The following ELAVL2 variants were observed in gnomAD, a reference collection of about 807,000 sequenced individuals.
The protein encoded by ELAVL2 is ELAV-like protein 2.
In ELAVL2, 4 loss-of-function variants were observed where a neutral mutation model predicts 34.6. That is an observed-to-expected ratio of 0.12 (90% CI 0.06 to 0.26). ELAVL2 has a LOEUF of 0.26. Among genes scored for constraint, ELAVL2 ranks in the 10% least tolerant of loss-of-function variants. ELAVL2 has a pLI of 1.00. For synonymous variants in ELAVL2, 193 were observed against 154.8 expected (o/e 1.25, Z -1.83); for missense variants, 432 against 442.8 (o/e 0.98, Z 0.22).
chr9:23,744,304 T>A (rs2049985841), intron 2 of ELAVL2, among the ~76,000 whole-genome samples: 2 of 152,226 alleles, frequency 1.3e-5, no homozygotes, highest in Admixed American at 1.3e-4. Context: ...TGTTAGGTAT[T>A]CAATTACAAG....
intron 1 of ELAVL2, among the ~76,000 whole-genome samples, chr9:23,785,057 G>A (rs917195284): frequency 3.9e-5 from 6 of 152,194 alleles, no homozygotes; most frequent in African/African-American, 1.2e-4. Flanking sequence ...AATAGATAAT[G>A]TGTCAGATGG....
intron 1 of ELAVL2, among the ~76,000 whole-genome samples, chr9:23,805,890 A>G (rs1439457661): frequency 6.6e-6 from 1 of 152,196 alleles, no homozygotes; most frequent in East Asian, 1.9e-4. Context: ...AAGCGGTATT[A>G]ACAGGTCATA....
chr9:23,765,740 T>A (rs1431631608), intron 1 of ELAVL2, among the ~76,000 whole-genome samples: 2 of 152,210 alleles, frequency 1.3e-5, no homozygotes, highest in African/African-American at 4.8e-5. Flanking sequence ...CCAGCATCTT[T>A]CAATTGAAAT....
chr9:23,788,565 A>G (rs2059972001), intron 1 of ELAVL2, among the ~76,000 whole-genome samples: 2 of 152,204 alleles, frequency 1.3e-5, no homozygotes, highest in Admixed American at 6.5e-5. Flanking sequence ...CACTGTAATA[A>G]AAGTTATGTA....
At chr9:23,764,532 A>G (rs2055798609) in intron 1 of ELAVL2, among the ~76,000 whole-genome samples, 1 of 152,142 alleles carries the variant, frequency 6.6e-6, no homozygotes, top group Non-Finnish European at 1.5e-5. Flanking sequence ...TAGGCTCAAC[A>G]CAACTGTTCA....
At chr9:23,822,089 G>GT (rs1309038322) in intron 1 of ELAVL2, among the ~76,000 whole-genome samples, 1 of 152,114 alleles carries the variant, frequency 6.6e-6, no homozygotes, top group Non-Finnish European at 1.5e-5. Context: ...CCCAGAGGAG[G>GT]CTGATTCCAG....
intron 2 of ELAVL2, among the ~76,000 whole-genome samples, chr9:23,743,118 T>C (rs1018189261): frequency 2.6e-5 from 4 of 152,080 alleles, no homozygotes; most frequent in African/African-American, 7.2e-5. Context: ...AGGCTATGGG[T>C]CAGATGGGAA....
rs2065265414 is a variant in ELAVL2 at position 23,825,879 on chromosome 9, G to A, written c.-89C>T. On this transcript the variant is annotated 5_prime_UTR_variant, in exon 1 of 7. Coordinates refer to ENST00000397312, the MANE Select transcript of ELAVL2 (RefSeq NM_004432.5). The stretch of plus-strand genomic sequence containing the variant: ...CAGTTCTCCCAATAAGGATGAGCAA[G>A]AAGCTGCTGGATAGTTCTCTTAAGA... The A allele has an allele frequency of 6.6e-6, 1 of 152,190 alleles. No individual in the cohort carries two copies. The highest frequency in any genetic ancestry group is 1.5e-5 in the Non-Finnish European group (1 of 68,032). The allele number at this position is 152,190 out of a possible 1,614,324, so 9.4% of individuals were successfully genotyped here. A position where few individuals can be genotyped will look rare whatever the true frequency, so the allele number is the denominator to read the frequency against.
Position 23,767,413 on chromosome 9 carries a change from A to C in ELAVL2, c.-15-5164T>G, listed in dbSNP as rs932198619. On this transcript the variant is annotated intron_variant, in intron 1 of 6. Transcript: ENST00000397312. ...AATCTTACAATTAAAAAATTCTGCA[A>C]ACTAAGGTAATCAGCTTCTTCACTA... 2.0e-5 allele frequency among the ~76,000 whole-genome samples: 3 copies of C among 152,210 alleles called. No individual in the cohort carries two copies. The East Asian group carries it at 5.8e-4, about 29-fold the overall frequency.
Position 23,723,381 on chromosome 9 carries a change from C to T in ELAVL2, c.333+7641G>A, listed in dbSNP as rs565656264. Among the ~76,000 whole-genome samples the T allele has an allele frequency of 4.6e-5, 7 of 151,350 alleles. No individual in the cohort carries two copies. In the South Asian group the frequency reaches 6.3e-4, roughly 14 times the overall value. On this transcript the variant is annotated intron_variant, in intron 3 of 6. Coordinates refer to ENST00000397312, the MANE Select transcript of ELAVL2 (RefSeq NM_004432.5). ...GTGGGAACTGAACAATGAGAACACA[C>T]GGACACAGGAAGGGGAACAACACAC...
At chr9:23,764,960 A>G (rs773773901) in intron 1 of ELAVL2, 2 of 1,578,582 alleles carry the variant, frequency 1.3e-6, no homozygotes, top group Admixed American at 1.8e-5. Context: ...CACTCCTCCA[A>G]CATGCTAAAA....
chr9:23,820,802 G>C (rs1309994763), intron 1 of ELAVL2, among the ~76,000 whole-genome samples: 9 of 152,310 alleles, frequency 5.9e-5, no homozygotes, highest in East Asian at 1.9e-4. Flanking sequence ...CCGCAACCAC[G>C]GCAAGCGAAC....
rs147341131 is a variant in ELAVL2 at position 23,720,222 on chromosome 9, G to C, written c.333+10800C>G. On this transcript the variant is annotated intron_variant, in intron 3 of 6. Transcript: ENST00000397312. ...AATCTCCCTCTATCCACCCAGGCTAGGGTGCAGTGGTGTAATCTCGGCTCA... is the reference window on the plus strand; with the variant it reads ...AATCTCCCTCTATCCACCCAGGCTACGGTGCAGTGGTGTAATCTCGGCTCA... Among the ~76,000 whole-genome samples, 447 of 151,682 alleles carry C rather than the reference G, an allele frequency of 2.9e-3. 3 individuals are homozygous for C. Among genetic ancestry groups the C allele is most frequent in the African/African-American group, 0.01 (431 of 41,344 alleles).
chr9:23,841,567 G>A, the ELAVL2 span, among the ~76,000 whole-genome samples: 2 of 152,056 alleles, frequency 1.3e-5, no homozygotes, highest in Admixed American at 6.6e-5. Flanking sequence ...CCCTACCCTC[G>A]GGGTTTAGAA....
intron 3 of ELAVL2, among the ~76,000 whole-genome samples, chr9:23,726,421 G>C (rs776206388): frequency 6.6e-6 from 1 of 151,920 alleles, no homozygotes; most frequent in African/African-American, 2.4e-5. Context: ...GACCAAAATC[G>C]GGCAGTTTTT....
intron 1 of ELAVL2, among the ~76,000 whole-genome samples, chr9:23,781,949 G>A (rs1018626242): frequency 7.9e-5 from 12 of 152,086 alleles, no homozygotes; most frequent in African/African-American, 2.7e-4. Flanking sequence ...CTCCCAAAGT[G>A]CTGGGATTAC....
intron 2 of ELAVL2, among the ~76,000 whole-genome samples, chr9:23,757,999 A>C (rs191225132): frequency 5.1e-4 from 78 of 152,226 alleles, no homozygotes; most frequent in Non-Finnish European, 6.6e-4. Context: ...AGAAAAGGGA[A>C]AAGGAAAGAT....
intron 1 of ELAVL2, among the ~76,000 whole-genome samples, chr9:23,823,225 T>G (rs560847658): frequency 1.2e-4 from 18 of 152,308 alleles, no homozygotes; most frequent in African/African-American, 4.1e-4. Context: ...CTTTGACCTC[T>G]CAGTAAATAG....
rs1017626796 is a variant in ELAVL2, at chr9:23,720,521, A to G, written c.333+10501T>C. Among the ~76,000 whole-genome samples, 6 of 152,258 alleles carry G rather than the reference A, an allele frequency of 3.9e-5. No individual in the cohort carries two copies. The South Asian group carries it at 1.2e-3, about 32-fold the overall frequency. ...AAAGAACCATACTGAAAATTCTCCA[A>G]ATACCCTCAGAAGCAAATAAATTAT... On this transcript the variant is annotated intron_variant, in intron 3 of 6. Transcript: ENST00000397312.
Sources: gnomAD v4.1 joint callset for allele counts (sites outside exome capture counted in the v4.1 genomes callset) on GRCh38, gnomAD v4.1.1 for gene constraint, MANE v1.5 for transcripts, NCBI Gene and HGNC (gene_info 2026-07-23, HGNC 2026-07-21) for gene names.